RANBP10: variants seen among roughly 807,000 people sequenced by gnomAD.
The protein encoded by RANBP10 is ran-binding protein 10.
RANBP10 carries 24 observed loss-of-function variants against 72.8 expected under a neutral mutation model. The observed-to-expected ratio is 0.33, with a 90% CI of 0.24 to 0.46. The LOEUF is 0.46. RANBP10 is among the 20% of genes least tolerant of loss of function. The pLI is 1.00. For synonymous variants in RANBP10, 310 were observed against 322.3 expected, an observed-to-expected ratio of 0.96 and a Z score of 0.41; for missense variants, 679 against 817.5, an observed-to-expected ratio of 0.83 and a Z score of 2.07.
chr16:67,756,416 G>A (rs750900990), intron 3 of RANBP10, among the ~76,000 whole-genome samples: 1 of 152,232 alleles, frequency 6.6e-6, no homozygotes, highest in Non-Finnish European at 1.5e-5. Flanking sequence ...GGCCAGCTAC[G>A]TCTCCCTCAC....
chr16:67,723,122 T>G lies in RANBP10; in HGVS notation c.*3306A>C, dbSNP rs993510829. ...ATAATTCTGTCAAAATACAACAGAG[T>G]TTTTTTTTTGTCTCTCAAGTACAAT... is the stretch of plus-strand genomic sequence containing the variant. On this transcript the variant is annotated 3_prime_UTR_variant, in exon 14 of 14. Coordinates refer to ENST00000317506, the MANE Select transcript of RANBP10 (RefSeq NM_020850.3). 1.4e-5 allele frequency: 2 copies of G among 148,088 alleles called. No individual in the cohort carries two copies. The highest frequency in any genetic ancestry group is 2.0e-4 in the East Asian group (1 of 5,082). 9.2% of individuals were successfully genotyped at this position (148,088 alleles called of 1,614,324 possible).
intron 2 of RANBP10, among the ~76,000 whole-genome samples, chr16:67,803,087 CTTGTT>C (rs2055266090): frequency 1.3e-5 from 2 of 152,260 alleles, no homozygotes; most frequent in South Asian, 4.1e-4. Flanking sequence ...TTTCAAGGTG[CTTGTT>C]TTAAGGGGCT....
rs1007938372 is a variant in RANBP10, at chr16:67,777,597, A to G, written c.348-5511T>C. Among the ~76,000 whole-genome samples, 3 of 152,296 alleles carry G rather than the reference A, an allele frequency of 2.0e-5. No individual in the cohort carries two copies. The East Asian group carries it at 5.8e-4, about 29-fold the overall frequency. ...AAGGAGGCTAAAGACACTAAAAACT[A>G]TAAAATGTTGATGAAGGAAATTACA... is the stretch of plus-strand genomic sequence containing the variant. On this transcript the variant is annotated intron_variant, in intron 2 of 13. Coordinates refer to ENST00000317506, the MANE Select transcript of RANBP10 (RefSeq NM_020850.3).
At chr16:67,801,421 G>A (rs1331942066) in intron 2 of RANBP10, among the ~76,000 whole-genome samples, 1 of 152,176 alleles carries the variant, frequency 6.6e-6, no homozygotes, top group Non-Finnish European at 1.5e-5. Context: ...TCTAGGATCA[G>A]GCGAGGACAT....
intron 11 of RANBP10, 77 bp from the exon 12 acceptor site, chr16:67,727,973 AC>A (rs1597817537): frequency 6.6e-7 from 1 of 1,524,232 alleles, no homozygotes. Context: ...GGCAGGAAGG[AC>A]CCCGGGTGGG....
chr16:67,752,404 T>C (rs1293988951), intron 3 of RANBP10, among the ~76,000 whole-genome samples: 2 of 152,250 alleles, frequency 1.3e-5, no homozygotes, highest in Admixed American at 1.3e-4. Context: ...GAATGAATTC[T>C]CCCCTAGGGC....
At chr16:67,750,969 T>G (rs1391696168) in intron 3 of RANBP10, among the ~76,000 whole-genome samples, 1 of 152,074 alleles carries the variant, frequency 6.6e-6, no homozygotes, top group Non-Finnish European at 1.5e-5. Flanking sequence ...GGTTTCACTG[T>G]GTTAGCCAGG....
chr16:67,745,100 C>CA (rs2054045623), intron 3 of RANBP10, among the ~76,000 whole-genome samples: 1 of 151,004 alleles, frequency 6.6e-6, no homozygotes, highest in Non-Finnish European at 1.5e-5. Flanking sequence ...AAAGTGCTGG[C>CA]ATTACAGGAG....
chr16:67,789,004 G>GA lies in RANBP10; in HGVS notation c.347+16423dup, dbSNP rs762821239. 5.8e-4 allele frequency among the ~76,000 whole-genome samples: 62 copies of GA among 107,306 alleles called. 2 individuals are homozygous for GA. Among genetic ancestry groups the GA allele is most frequent in the African/African-American group, 1.2e-3 (32 of 27,106 alleles). The allele number at this position is 107,306 out of a possible 152,430, so 70.4% of individuals were successfully genotyped here. ...AGAGTGAGACTCCGTCTCAAAAGAG[G>GA]AAAAAAAAAAAATTATCCAGGCAGG... is the stretch of plus-strand genomic sequence containing the variant. On this transcript the variant is annotated intron_variant, in intron 2 of 13. Transcript: ENST00000317506.
intron 3 of RANBP10, among the ~76,000 whole-genome samples, chr16:67,768,462 G>A (rs2054545223): frequency 2.6e-5 from 4 of 152,116 alleles, no homozygotes; most frequent in East Asian, 1.9e-4. Context: ...TGGAGGTTGC[G>A]GTGAGCCGAG....
chr16:67,804,860 A>T (rs2055314467), intron 2 of RANBP10, among the ~76,000 whole-genome samples: 1 of 152,080 alleles, frequency 6.6e-6, no homozygotes, highest in Admixed American at 6.6e-5. Flanking sequence ...GACCTTCCTA[A>T]AGTTGATCCA....
In RANBP10 at chr16:67,785,616, T is replaced by G. The variant is rs148013155; in HGVS notation, c.348-13530A>C. Among the ~76,000 whole-genome samples, 14 of 151,222 alleles carry G rather than the reference T, an allele frequency of 9.3e-5. No homozygotes were observed. In the East Asian group the frequency reaches 2.1e-3, roughly 23 times the overall value. On this transcript the variant is annotated intron_variant, in intron 2 of 13. Coordinates refer to ENST00000317506, the MANE Select transcript of RANBP10 (RefSeq NM_020850.3). ...GGTGGTCCATGCCTGTAATTCCAGC[T>G]ACTCAGGAGGCTGAGGCAGGAGAAT...
chr16:67,763,256 G>T (rs1597874332), intron 3 of RANBP10: 1 of 152,954 alleles, frequency 6.5e-6, no homozygotes, highest in Non-Finnish European at 1.5e-5. Context: ...CATGGCAATG[G>T]GGCGGAGACA....
intron 4 of RANBP10, among the ~76,000 whole-genome samples, chr16:67,742,637 G>C (rs1423567437): frequency 6.6e-6 from 1 of 152,198 alleles, no homozygotes; most frequent in East Asian, 1.9e-4. Flanking sequence ...CGGTGTACAT[G>C]AAAGGCCTGA....
chr16:67,763,356 G>C (rs963129194), intron 3 of RANBP10: 1 of 152,262 alleles, frequency 6.6e-6, no homozygotes, highest in Non-Finnish European at 1.5e-5. Context: ...GTCCCACCTG[G>C]GGGCCAAGGT....
In RANBP10 at chr16:67,726,403, A is replaced by G; in HGVS notation, c.*25T>C. 1 of 1,610,954 alleles carries G rather than the reference A, an allele frequency of 6.2e-7. No homozygotes were observed. On this transcript the variant is annotated 3_prime_UTR_variant, in exon 14 of 14. Transcript: ENST00000317506. Reference sequence around the variant, plus strand: ...CCAGCCCTGGGGCCAGTGGAGGGCCAGCCAGAGCCAGCCAGCACAGTCAGC... The same window carrying G: ...CCAGCCCTGGGGCCAGTGGAGGGCCGGCCAGAGCCAGCCAGCACAGTCAGC...
rs1474831812 is a variant in RANBP10, at chr16:67,724,217, C to G, written c.*2211G>C. ...TCTCAGATACTGCTGGAGGGCACAT[C>G]AGCCTGACCCCTCATGGGGTTTATC... is the stretch of plus-strand genomic sequence containing the variant. On this transcript the variant is annotated 3_prime_UTR_variant, in exon 14 of 14. Coordinates refer to ENST00000317506, the MANE Select transcript of RANBP10 (RefSeq NM_020850.3). The G allele has an allele frequency of 6.6e-6, 1 of 152,318 alleles. No individual in the cohort carries two copies. The highest frequency in any genetic ancestry group is 1.9e-4 in the East Asian group (1 of 5,196). The allele number at this position is 152,318 out of a possible 1,614,324, so 9.4% of individuals were successfully genotyped here.
In RANBP10 at chr16:67,726,475, C is replaced by T. The variant is rs1368462475; in HGVS notation, c.1816G>A (p.Gly606Ser). ...SECLRLMARA[G>S]LGSCSFARVD... ...CTGGCAAAGGAGCAAGAACCCAGGC[C>T]TGCTCGGGCCATGAGCCGGAGACAC... The change falls in exon 14 of 14, where the codon GGC becomes AGC. Residue 606 changes from glycine (G) to serine (S), a missense_variant. Gly to Ser is a moderately conservative substitution (Grantham distance 56). Coordinates refer to ENST00000317506, the MANE Select transcript of RANBP10 (RefSeq NM_020850.3). 1 of 1,606,544 alleles carries T rather than the reference C, an allele frequency of 6.2e-7. No individual in the cohort carries two copies. The highest frequency in any genetic ancestry group is 1.1e-5 in the South Asian group (1 of 89,752).
chr16:67,778,140 G>A (rs1225712413), intron 2 of RANBP10, among the ~76,000 whole-genome samples: 2 of 152,064 alleles, frequency 1.3e-5, no homozygotes, highest in Admixed American at 6.6e-5. Flanking sequence ...ACCTGAGGTC[G>A]GGAGTTCAAG....
Sources: gnomAD v4.1 joint callset for allele counts (sites outside exome capture counted in the v4.1 genomes callset) on GRCh38, gnomAD v4.1.1 for gene constraint, MANE v1.5 for transcripts, NCBI Gene and HGNC (gene_info 2026-07-23, HGNC 2026-07-21) for gene names.